The following G3BP2 variants were observed in gnomAD, a reference collection of about 807,000 sequenced individuals.
G3BP2 encodes G3BP stress granule assembly factor 2.
In G3BP2, 11 loss-of-function variants were observed where a neutral mutation model predicts 56.7. That is an observed-to-expected ratio of 0.19 (90% CI 0.12 to 0.32). The LOEUF is 0.32. Ranked by LOEUF, G3BP2 falls within the 10% of genes least tolerant of loss-of-function variation. The probability of loss-of-function intolerance (pLI) is 1.00; values close to 1 mark genes in which losing one functional copy is unlikely to be tolerated. For synonymous variants in G3BP2, 165 were observed against 191.6 expected (o/e 0.86, Z 1.15); for missense variants, 340 against 610.9 (o/e 0.56, Z 4.67).
At chr4:75,652,800 G>T (rs1177164189) in intron 8 of G3BP2, among the ~76,000 whole-genome samples, 1 of 152,178 alleles carries the variant, frequency 6.6e-6, no homozygotes, top group Non-Finnish European at 1.5e-5. Context: ...TGGTTGTGAG[G>T]ATTCACTGAA....
intron 3 of G3BP2, 82 bp from the exon 4 acceptor site, chr4:75,657,812 T>G: frequency 1.2e-6 from 1 of 830,398 alleles, no homozygotes. Flanking sequence ...CTCATTGATT[T>G]CCTTACAACT....
Position 75,709,037 on chromosome 4 carries a change from G to A in G3BP2, c.-25+11840C>T, listed in dbSNP as rs571243466. Among the ~76,000 whole-genome samples, 43 of 152,220 alleles carry A rather than the reference G, an allele frequency of 2.8e-4. 1 individual carries two copies. The South Asian group carries it at 3.1e-3, about 11-fold the overall frequency. Reference sequence around the variant, plus strand: ...AGGTGGGAGAATAACCTGAGTCCAGGAGTTGGGAGCTAAAGTGAGTCATAA... The same window carrying A: ...AGGTGGGAGAATAACCTGAGTCCAGAAGTTGGGAGCTAAAGTGAGTCATAA... On this transcript the variant is annotated intron_variant, in intron 3 of 3. Coordinates refer to the G3BP2 transcript ENST00000499709.
chr4:75,716,140 C>T (rs1719918177), intron 3 of G3BP2, among the ~76,000 whole-genome samples: 2 of 151,976 alleles, frequency 1.3e-5, no homozygotes, highest in South Asian at 4.2e-4. Flanking sequence ...GGGGAGAGGG[C>T]AGTGGGAAGG....
chr4:75,695,220 A>G (rs1414461846), intron 3 of G3BP2, among the ~76,000 whole-genome samples: 1 of 152,214 alleles, frequency 6.6e-6, no homozygotes, highest in Non-Finnish European at 1.5e-5. Context: ...CCAGGACCCA[A>G]GGAGGGAAGG....
chr4:75,717,664 C>G (rs529661106), intron 3 of G3BP2, among the ~76,000 whole-genome samples: 1 of 152,276 alleles, frequency 6.6e-6, no homozygotes, highest in South Asian at 2.1e-4. Context: ...AGGCTTTGGT[C>G]TAGCTATTGA....
chr4:75,703,112 G>A (rs893041191), intron 3 of G3BP2, among the ~76,000 whole-genome samples: 1 of 152,212 alleles, frequency 6.6e-6, no homozygotes, highest in African/African-American at 2.4e-5. Flanking sequence ...GCTCCTCCAG[G>A]CAGCCTTCTG....
intron 3 of G3BP2, among the ~76,000 whole-genome samples, chr4:75,716,286 C>T (rs1175228288): frequency 2.6e-5 from 4 of 151,708 alleles, no homozygotes; most frequent in Admixed American, 1.3e-4. Flanking sequence ...TCTTGTGTCT[C>T]GGCCTCCCAA....
In G3BP2 at chr4:75,717,899, G is replaced by A. The variant is rs539215404; in HGVS notation, c.-25+2978C>T. Among the ~76,000 whole-genome samples the A allele has an allele frequency of 2.5e-4, 38 of 152,244 alleles. 1 individual carries two copies. The highest frequency in any genetic ancestry group is 9.2e-4 in the Admixed American group (14 of 15,292). On this transcript the variant is annotated intron_variant, in intron 3 of 3. Transcript: ENST00000499709. ...CTCATGCCTGTAATCCCAGCACTTTGGGAGGCTGAGGCGGGTGGGTCACGA... is the reference window on the plus strand; with the variant it reads ...CTCATGCCTGTAATCCCAGCACTTTAGGAGGCTGAGGCGGGTGGGTCACGA...
intron 2 of G3BP2, 161 bp downstream of exon 2, chr4:75,661,770 A>G: frequency 1.8e-6 from 1 of 564,346 alleles, no homozygotes. Context: ...GTTGCAGTTA[A>G]AAACACTTTT....
At position 75,646,592 on chromosome 4, in the gene G3BP2, T is replaced by C. The variant is rs527517969; in HGVS notation, c.1058-136A>G. On this transcript the variant is annotated intron_variant, in intron 10 of 11. Coordinates refer to ENST00000359707, the MANE Select transcript of G3BP2 (RefSeq NM_203505.3). ...ACTCGCAAGCTTCTACACACAGTGA[T>C]AGCCAAGGTACGTTTACTCAAGCAG... 3.8e-5 allele frequency: 25 copies of C among 651,012 alleles called. No homozygotes were observed. In the African/African-American group the frequency reaches 4.3e-4, roughly 11 times the overall value. 40.3% of individuals were successfully genotyped at this position (651,012 alleles called of 1,614,324 possible). A position where few individuals can be genotyped will look rare whatever the true frequency, so the allele number is the denominator to read the frequency against.
intron 3 of G3BP2, among the ~76,000 whole-genome samples, chr4:75,705,699 G>T (rs1420647969): frequency 1.3e-5 from 2 of 152,164 alleles, no homozygotes; most frequent in African/African-American, 4.8e-5. Context: ...TTCTGCCACA[G>T]CCACATTCAG....
At chr4:75,696,883 C>A (rs1719140296) in intron 3 of G3BP2, among the ~76,000 whole-genome samples, 1 of 152,138 alleles carries the variant, frequency 6.6e-6, no homozygotes, top group East Asian at 1.9e-4. Context: ...CCCTACAATA[C>A]TCGAGTAAGT....
At chr4:75,686,963 C>T (rs1033062939) in intron 3 of G3BP2, among the ~76,000 whole-genome samples, 1 of 152,140 alleles carries the variant, frequency 6.6e-6, no homozygotes, top group Admixed American at 6.6e-5. Flanking sequence ...CATGGTGGCT[C>T]ATGCCTGCAA....
In G3BP2 at chr4:75,660,575, A is replaced by G. The variant is rs141605761; in HGVS notation, c.95+1356T>C. Among the ~76,000 whole-genome samples, 12 of 152,322 alleles carry G rather than the reference A, an allele frequency of 7.9e-5. No homozygotes were observed. The East Asian group carries it at 2.3e-3, about 29-fold the overall frequency. ...TAAGGAATACATAATATACATACGT[A>G]AAGTAATTACAAATAGAGCCAAGCA... On this transcript the variant is annotated intron_variant, in intron 2 of 11. Coordinates refer to ENST00000359707, the MANE Select transcript of G3BP2 (RefSeq NM_203505.3).
rs528778454 is a variant in G3BP2, at chr4:75,673,229, G to C, written c.-46C>G. The C allele has an allele frequency of 6.6e-6, 8 of 1,216,292 alleles. No homozygotes were observed. In the African/African-American group the frequency reaches 1.2e-4, roughly 19 times the overall value. The allele number at this position is 1,216,292 out of a possible 1,614,324, so 75.3% of individuals were successfully genotyped here. On this transcript the variant is annotated 5_prime_UTR_variant, in exon 1 of 12. Transcript: ENST00000359707. ...ACACCTCCAGCCAACGGCGGCGGCGGGTACGTCGCGCGGAGGTCAGAAGAG... is the reference window on the plus strand; with the variant it reads ...ACACCTCCAGCCAACGGCGGCGGCGCGTACGTCGCGCGGAGGTCAGAAGAG...
At chr4:75,716,620 AT>A (rs1406256951) in intron 3 of G3BP2, among the ~76,000 whole-genome samples, 1 of 152,048 alleles carries the variant, frequency 6.6e-6, no homozygotes, top group Non-Finnish European at 1.5e-5. Flanking sequence ...GGTTCAAGCG[AT>A]TCTCCTGCCT....
chr4:75,660,255 T>C (rs2148994165), intron 2 of G3BP2, among the ~76,000 whole-genome samples: 1 of 152,274 alleles, frequency 6.6e-6, no homozygotes, highest in East Asian at 1.9e-4. Flanking sequence ...TATTAATTAT[T>C]TATCTTCCCC....
chr4:75,719,077 C>G (rs548421061), intron 3 of G3BP2, among the ~76,000 whole-genome samples: 22 of 152,160 alleles, frequency 1.4e-4, no homozygotes, highest in African/African-American at 4.8e-4. Context: ...TTGATAATAC[C>G]GTGGCTCACG....
intron 9 of G3BP2, among the ~76,000 whole-genome samples, chr4:75,648,357 CA>C (rs1169308232): frequency 1.1e-4 from 2 of 17,754 alleles, no homozygotes; most frequent in Non-Finnish European, 2.2e-4. Flanking sequence ...AAAAAAAAAA[CA>C]AACAAACAAA....
Sources: allele counts gnomAD v4.1 joint callset (sites outside exome capture counted in the v4.1 genomes callset), GRCh38; gene constraint gnomAD v4.1.1; transcripts MANE v1.5; gene names NCBI Gene and HGNC (gene_info 2026-07-23, HGNC 2026-07-21).